The following PRELID2 variants were observed in gnomAD, a reference collection of about 807,000 sequenced individuals.
PRELID2 encodes the protein PRELI domain containing 2.
In PRELID2, 25 loss-of-function variants were observed where a neutral mutation model predicts 28.4. The ratio of observed to expected loss-of-function variants is 0.88; its 90% confidence interval spans 0.64 to 1.23. The LOEUF (loss-of-function observed/expected upper bound fraction) is 1.23. PRELID2 is among the 50% of genes most tolerant of loss of function. The pLI is 0.00. For missense variants in PRELID2, 201 were observed against 214.4 expected, an observed-to-expected ratio of 0.94 and a Z score of 0.39; for synonymous variants, 76 against 71.6, an observed-to-expected ratio of 1.06 and a Z score of -0.31.
intron 1 of PRELID2, among the ~76,000 whole-genome samples, chr5:145,723,487 T>C (rs1756048790): frequency 6.6e-6 from 1 of 152,142 alleles, no homozygotes; most frequent in Non-Finnish European, 1.5e-5. Flanking sequence ...TTTAATATAT[T>C]TAACAACTTA....
At chr5:145,510,174 A>G (rs971643361) in intron 1 of PRELID2, among the ~76,000 whole-genome samples, 1 of 152,172 alleles carries the variant, frequency 6.6e-6, no homozygotes, top group Non-Finnish European at 1.5e-5. Context: ...CTCAATAAAT[A>G]ATCATCTCCA....
intron 1 of PRELID2, among the ~76,000 whole-genome samples, chr5:145,719,692 T>C (rs1441829139): frequency 6.6e-6 from 1 of 151,966 alleles, no homozygotes; most frequent in Non-Finnish European, 1.5e-5. Flanking sequence ...AAAAAGAATC[T>C]ACATTTATAC....
intron 1 of PRELID2, among the ~76,000 whole-genome samples, chr5:145,541,164 AG>A (rs1012743334): frequency 1.3e-5 from 2 of 152,078 alleles, no homozygotes; most frequent in African/African-American, 2.4e-5. Flanking sequence ...AAAATACAAA[AG>A]AATGATGTAG....
chr5:145,652,532 T>A (rs768252062), intron 1 of PRELID2, among the ~76,000 whole-genome samples: 2 of 152,228 alleles, frequency 1.3e-5, no homozygotes, highest in Non-Finnish European at 2.9e-5. Flanking sequence ...GGGAAGCCCA[T>A]GAGACTAACA....
chr5:145,290,164 A>G, the PRELID2 span, among the ~76,000 whole-genome samples: 331 of 152,292 alleles, frequency 2.2e-3, 2 homozygotes, highest in African/African-American at 7.6e-3. Flanking sequence ...ACTGTAAACT[A>G]GTTCAACCAT....
the PRELID2 span, among the ~76,000 whole-genome samples, chr5:145,336,442 A>G: frequency 1.2e-3 from 187 of 151,786 alleles, 2 homozygotes; most frequent in African/African-American, 4.5e-3. Flanking sequence ...TCTTGAATTA[A>G]TTTTTGTATA....
chr5:145,459,811 T>TA, the PRELID2 span, among the ~76,000 whole-genome samples: 3 of 149,384 alleles, frequency 2.0e-5, no homozygotes, highest in African/African-American at 5.1e-5. Flanking sequence ...AATTACAATT[T>TA]AATTTTTTTT....
At chr5:145,642,887 G>A (rs1360697409) in intron 1 of PRELID2, among the ~76,000 whole-genome samples, 2 of 152,032 alleles carry the variant, frequency 1.3e-5, no homozygotes, top group Admixed American at 1.3e-4. Flanking sequence ...ATCTGTTTTG[G>A]TACCAGTACC....
At chr5:145,767,170 G>A (rs767280853) in intron 5 of PRELID2, among the ~76,000 whole-genome samples, 2 of 142,828 alleles carry the variant, frequency 1.4e-5, no homozygotes, top group Admixed American at 7.2e-5. Context: ...GGCCCCACTG[G>A]TGGAGTGGCA....
intron 1 of PRELID2, among the ~76,000 whole-genome samples, chr5:145,629,547 G>A (rs1040136466): frequency 2.6e-5 from 4 of 152,170 alleles, no homozygotes; most frequent in African/African-American, 9.7e-5. Flanking sequence ...CCAACTATGT[G>A]AAAACCACAA....
intron 5 of PRELID2, among the ~76,000 whole-genome samples, chr5:145,773,086 G>T (rs1758207311): frequency 6.6e-6 from 1 of 152,078 alleles, no homozygotes; most frequent in South Asian, 2.1e-4. Flanking sequence ...ACATTATAAA[G>T]CTTTCTCTCT....
chr5:145,579,639 T>C (rs895819344), intron 1 of PRELID2, among the ~76,000 whole-genome samples: 2 of 152,114 alleles, frequency 1.3e-5, no homozygotes, highest in Admixed American at 6.6e-5. Context: ...GTCACCTGCA[T>C]ATCATTTTTT....
At chr5:145,557,449 G>A (rs1196959111) in intron 1 of PRELID2, among the ~76,000 whole-genome samples, 1 of 152,142 alleles carries the variant, frequency 6.6e-6, no homozygotes, top group Admixed American at 6.5e-5. Flanking sequence ...AGGCAATCTG[G>A]ATCATGAGCC....
the PRELID2 span, among the ~76,000 whole-genome samples, chr5:145,405,226 G>GA: frequency 1.1e-4 from 17 of 152,050 alleles, no homozygotes; most frequent in Non-Finnish European, 2.4e-4. Context: ...GCAGAAAAGA[G>GA]AAAATGTAGC....
the PRELID2 span, chr5:145,229,823 C>G: frequency 1.3e-6 from 1 of 760,002 alleles, no homozygotes; most frequent in South Asian, 1.3e-5. Flanking sequence ...TTGTCCGCCC[C>G]TGCATCGCCA....
At chr5:145,483,888 T>C (rs554232769) in intron 1 of PRELID2, among the ~76,000 whole-genome samples, 1 of 152,236 alleles carries the variant, frequency 6.6e-6, no homozygotes, top group African/African-American at 2.4e-5. Flanking sequence ...AGTGTTTCCC[T>C]TGTCTGTGTC....
chr5:145,380,129 C>G, the PRELID2 span, among the ~76,000 whole-genome samples: 34 of 152,312 alleles, frequency 2.2e-4, no homozygotes, highest in African/African-American at 7.2e-4. Context: ...AGGCTGCTCT[C>G]CCTGCTAATT....
At chr5:145,345,375 G>A in the PRELID2 span, among the ~76,000 whole-genome samples, 3 of 151,770 alleles carry the variant, frequency 2.0e-5, no homozygotes, top group Non-Finnish European at 4.4e-5. Flanking sequence ...AGGACCTGAT[G>A]CCTTGACACA....
chr5:145,265,873 G>T, the PRELID2 span, among the ~76,000 whole-genome samples: 1 of 152,230 alleles, frequency 6.6e-6, no homozygotes, highest in African/African-American at 2.4e-5. Context: ...AGATAACATT[G>T]CAAAATCCCT....
Sources: allele counts gnomAD v4.1 joint callset (sites outside exome capture counted in the v4.1 genomes callset), GRCh38; gene constraint gnomAD v4.1.1; transcripts MANE v1.5; gene names NCBI Gene and HGNC (gene_info 2026-07-23, HGNC 2026-07-21).